The following FBXO36 variants were observed in gnomAD, a reference collection of about 807,000 sequenced individuals.
FBXO36 encodes F-box protein 36, also known as F-box only protein 36.
A neutral mutation model predicts 17.0 loss-of-function variants in FBXO36; 18 were observed. That is an observed-to-expected ratio of 1.06 (90% CI 0.73 to 1.57). The LOEUF is 1.57. FBXO36 is among the 40% of genes most tolerant of loss of function. FBXO36 has a pLI of 0.00. For synonymous variants in FBXO36, 83 were observed against 85.3 expected, an observed-to-expected ratio of 0.97 and a Z score of 0.15; for missense variants, 229 against 221.9, an observed-to-expected ratio of 1.03 and a Z score of -0.20.
chr2:229,982,029 T>G (rs2077243076), intron 2 of FBXO36, among the ~76,000 whole-genome samples: 2 of 142,640 alleles, frequency 1.4e-5, no homozygotes, highest in Non-Finnish European at 3.1e-5. Flanking sequence ...TTTGTTTTTG[T>G]TTTTTTTTTT....
intron 2 of FBXO36, among the ~76,000 whole-genome samples, chr2:229,990,945 C>T (rs1311934549): frequency 2.7e-5 from 4 of 149,358 alleles, no homozygotes. Context: ...TCTTTTTTTT[C>T]CCCTCCCCCG....
intron 1 of FBXO36, among the ~76,000 whole-genome samples, chr2:229,936,061 G>A (rs923527869): frequency 1.3e-5 from 2 of 152,126 alleles, no homozygotes; most frequent in African/African-American, 4.8e-5. Context: ...GGTGGTGGAC[G>A]CTTGTAATCC....
chr2:229,981,693 C>A (rs2077240754), intron 2 of FBXO36, among the ~76,000 whole-genome samples: 2 of 88,434 alleles, frequency 2.3e-5, no homozygotes, highest in South Asian at 4.7e-4. Flanking sequence ...CAGAATGAGA[C>A]CCTGTCTCAA....
Position 229,939,228 on chromosome 2 carries a change from C to A in FBXO36, c.96+16619C>A. On this transcript the variant is annotated intron_variant, in intron 1 of 3. Transcript: ENST00000283946. ...GCCACCGCGCCCGGCCCAACAGATA[C>A]AACTTTCTACCTCGTAATAATGTTT... The A allele has an allele frequency of 4.1e-6, 4 of 985,172 alleles. 1 individual carries two copies. In the South Asian group the frequency reaches 1.9e-4, roughly 46 times the overall value. The allele number at this position is 985,172 out of a possible 1,614,324, so 61.0% of individuals were successfully genotyped here.
intron 1 of FBXO36, among the ~76,000 whole-genome samples, chr2:229,949,742 G>A (rs539259667): frequency 2.0e-5 from 3 of 152,222 alleles, no homozygotes; most frequent in East Asian, 3.9e-4. Context: ...TGGCTGACAC[G>A]GTGAAACCCT....
intron 1 of FBXO36, among the ~76,000 whole-genome samples, chr2:229,958,213 A>G (rs943355075): frequency 1.1e-4 from 10 of 87,488 alleles, no homozygotes; most frequent in African/African-American, 3.1e-4. Context: ...TTTGACCTTT[A>G]CAATTTTTTT....
intron 1 of FBXO36, among the ~76,000 whole-genome samples, chr2:229,933,832 C>T (rs540305504): frequency 2.7e-4 from 41 of 151,900 alleles, no homozygotes; most frequent in Non-Finnish European, 5.2e-4. Flanking sequence ...ATTACAGGCG[C>T]GCACCACCAT....
intron 3 of FBXO36, among the ~76,000 whole-genome samples, chr2:230,001,485 G>A (rs907643567): frequency 6.6e-6 from 1 of 151,670 alleles, no homozygotes; most frequent in Non-Finnish European, 1.5e-5. Flanking sequence ...ACGGGGTTTC[G>A]CCATGTTGTC....
chr2:229,923,775 A>C (rs2076869712), intron 1 of FBXO36, among the ~76,000 whole-genome samples: 1 of 148,548 alleles, frequency 6.7e-6, no homozygotes, highest in Non-Finnish European at 1.5e-5. Context: ...AACTGTTCTT[A>C]GGGGGTTTTG....
intron 3 of FBXO36, among the ~76,000 whole-genome samples, chr2:229,999,529 A>G (rs2077346953): frequency 6.7e-6 from 1 of 148,822 alleles, no homozygotes; most frequent in Non-Finnish European, 1.5e-5. Context: ...ATGTGTATAT[A>G]TACACACACA....
intron 2 of FBXO36, among the ~76,000 whole-genome samples, chr2:229,991,610 G>A (rs2077298392): frequency 1.3e-5 from 2 of 152,174 alleles, no homozygotes; most frequent in South Asian, 4.1e-4. Flanking sequence ...TTCTCCTTTT[G>A]TACTGCGTGT....
chr2:229,946,302 C>G (rs1025208097), intron 1 of FBXO36, among the ~76,000 whole-genome samples: 1 of 152,150 alleles, frequency 6.6e-6, no homozygotes, highest in Non-Finnish European at 1.5e-5. Flanking sequence ...CTTTTCAACT[C>G]GCCCATTGTC....
chr2:229,982,778 C>CAAAAAAAAAAAAAAAAAAAAAAA (rs58999886), intron 2 of FBXO36, among the ~76,000 whole-genome samples: 1 of 78,758 alleles, frequency 1.3e-5, no homozygotes, highest in South Asian at 4.9e-4. Context: ...GAGCTTGTCT[C>CAAAAAAAAAAAAAAAAAAAAAAA]AAAAAAAAAA....
chr2:229,977,592 G>A (rs555865), intron 2 of FBXO36, among the ~76,000 whole-genome samples: 7,661 of 151,782 alleles, frequency 0.05, 665 homozygotes, highest in African/African-American at 0.17. Flanking sequence ...CTGGGATTAC[G>A]GGTGTACACC....
chr2:229,994,195 T>C (rs994972075), intron 2 of FBXO36, among the ~76,000 whole-genome samples: 2 of 152,210 alleles, frequency 1.3e-5, no homozygotes, highest in East Asian at 3.9e-4. Flanking sequence ...TCAAGGGCTT[T>C]AAATAAGCAC....
chr2:230,012,298 TC>T lies in FBXO36; in HGVS notation c.*1415del, dbSNP rs1189833790. 7 of 152,090 alleles carry T rather than the reference TC, an allele frequency of 4.6e-5. No homozygotes were observed. The East Asian group carries it at 1.3e-3, about 29-fold the overall frequency. The allele number at this position is 152,090 out of a possible 1,614,324, so 9.4% of individuals were successfully genotyped here. A position where few individuals can be genotyped will look rare whatever the true frequency, so the allele number is the denominator to read the frequency against. Reference sequence around the variant, plus strand: ...AAAAAAAACTGAACCCATGTTAATATCAAACAAGATTTTAATCTTCATTCAC... The same window carrying T: ...AAAAAAAACTGAACCCATGTTAATATAAACAAGATTTTAATCTTCATTCAC... On this transcript the variant is annotated 3_prime_UTR_variant, in exon 4 of 4. Coordinates refer to ENST00000283946, the MANE Select transcript of FBXO36 (RefSeq NM_174899.5).
chr2:229,999,205 C>T (rs897846561), intron 3 of FBXO36, among the ~76,000 whole-genome samples: 6 of 148,920 alleles, frequency 4.0e-5, no homozygotes, highest in South Asian at 2.1e-4. Flanking sequence ...CCGCTGACTG[C>T]AACCTCCGCC....
At chr2:229,969,481 G>A (rs1286670668) in intron 1 of FBXO36, among the ~76,000 whole-genome samples, 2 of 152,110 alleles carry the variant, frequency 1.3e-5, no homozygotes, top group African/African-American at 4.8e-5. Context: ...GAGGCCAGGA[G>A]ATTGAGACCA....
intron 1 of FBXO36, among the ~76,000 whole-genome samples, chr2:229,951,195 A>T (rs2077055798): frequency 6.6e-6 from 1 of 151,894 alleles, no homozygotes; most frequent in Non-Finnish European, 1.5e-5. Context: ...AGCCTCCCAA[A>T]GTGCTAGGAT....
Sources: allele counts gnomAD v4.1 joint callset (sites outside exome capture counted in the v4.1 genomes callset), GRCh38; gene constraint gnomAD v4.1.1; transcripts MANE v1.5; gene names NCBI Gene and HGNC (gene_info 2026-07-23, HGNC 2026-07-21).